RIMS4: variants seen among roughly 807,000 people sequenced by gnomAD.
RIMS4 encodes the protein regulating synaptic membrane exocytosis protein 4.
A neutral mutation model predicts 29.0 loss-of-function variants in RIMS4; 9 were observed. That is an observed-to-expected ratio of 0.31 (90% CI 0.19 to 0.54). The LOEUF (loss-of-function observed/expected upper bound fraction) is 0.54, where lower values mean the gene tolerates loss of function less well. Ranked by LOEUF, RIMS4 falls within the 20% of genes least tolerant of loss-of-function variation. The probability of loss-of-function intolerance (pLI) is 0.94; values close to 1 mark genes in which losing one functional copy is unlikely to be tolerated. For synonymous variants in RIMS4, 130 were observed against 152.9 expected (o/e 0.85, Z 1.10); for missense variants, 193 against 365.7 (o/e 0.53, Z 3.85).
At chr20:44,762,165 G>A (rs950491852) in intron 2 of RIMS4, among the ~76,000 whole-genome samples, 18 of 152,228 alleles carry the variant, frequency 1.2e-4, no homozygotes, top group African/African-American at 4.3e-4. Context: ...ATGCTCCTAT[G>A]AGAATCTAAT....
rs1392820250 is a variant in RIMS4 at position 44,767,284 on chromosome 20, C to T, written c.236+3991G>A. On this transcript the variant is annotated intron_variant, in intron 2 of 5. Transcript: ENST00000372851. ...GTATGTCTGGAAGGTTCTGTTCTCA[C>T]GGCCCCATCTCAGAGGGCTTGAGCT... is the stretch of plus-strand genomic sequence containing the variant. Among the ~76,000 whole-genome samples the T allele has an allele frequency of 3.3e-5, 5 of 152,194 alleles. No individual in the cohort carries two copies. The South Asian group carries it at 6.2e-4, about 19-fold the overall frequency.
At chr20:44,790,967 C>T (rs1435093662) in intron 1 of RIMS4, among the ~76,000 whole-genome samples, 3 of 152,242 alleles carry the variant, frequency 2.0e-5, no homozygotes, top group Admixed American at 2.0e-4. Flanking sequence ...TTAGGGTGCG[C>T]TGCCTCGTGC....
intron 2 of RIMS4, among the ~76,000 whole-genome samples, chr20:44,760,921 G>A (rs2066081906): frequency 6.6e-6 from 1 of 152,044 alleles, no homozygotes; most frequent in Non-Finnish European, 1.5e-5. Flanking sequence ...ATTAATGTGG[G>A]CAGGGGGGGA....
Position 44,756,094 on chromosome 20 carries a change from G to T in RIMS4, c.*40C>A. ...TGGGGTCCCAGGTCAGGGCTGGGTG[G>T]TCTCCAGGCCATCTTGGGGAGCCCC... On this transcript the variant is annotated 3_prime_UTR_variant, in exon 6 of 6. Coordinates refer to ENST00000372851, the MANE Select transcript of RIMS4 (RefSeq NM_182970.4). The surrounding 1 kb of genome is among the most constrained non-coding windows in gnomAD (Gnocchi z 5.9). 1 of 1,500,290 alleles carries T rather than the reference G, an allele frequency of 6.7e-7. No individual in the cohort carries two copies. Among genetic ancestry groups the T allele is most frequent in the Non-Finnish European group, 9.1e-7 (1 of 1,095,404 alleles). The allele number at this position is 1,500,290 out of a possible 1,614,324, so 92.9% of individuals were successfully genotyped here. A position where few individuals can be genotyped will look rare whatever the true frequency, so the allele number is the denominator to read the frequency against.
chr20:44,782,048 G>A (rs936307947), intron 1 of RIMS4, among the ~76,000 whole-genome samples: 2 of 152,160 alleles, frequency 1.3e-5, no homozygotes, highest in African/African-American at 4.8e-5. Context: ...CTGAGTTTGG[G>A]ACTTGAAGCA....
intron 1 of RIMS4, among the ~76,000 whole-genome samples, chr20:44,787,113 AG>A (rs1482187515): frequency 6.6e-6 from 1 of 152,188 alleles, no homozygotes; most frequent in Non-Finnish European, 1.5e-5. Flanking sequence ...TTCCCAACAC[AG>A]GGAACAGAAA....
chr20:44,779,619 T>C (rs1472395028), intron 1 of RIMS4, among the ~76,000 whole-genome samples: 1 of 152,236 alleles, frequency 6.6e-6, no homozygotes, highest in East Asian at 1.9e-4. Flanking sequence ...TGTGAATATA[T>C]CAAAATAATT....
intron 1 of RIMS4, among the ~76,000 whole-genome samples, chr20:44,791,023 C>T (rs1169558649): frequency 6.6e-6 from 1 of 152,210 alleles, no homozygotes. Context: ...AAGAGTTGCA[C>T]GCAGTTCTAG....
intron 1 of RIMS4, among the ~76,000 whole-genome samples, chr20:44,781,206 C>CG (rs1568901194): frequency 1.3e-5 from 2 of 152,100 alleles, no homozygotes; most frequent in Non-Finnish European, 2.9e-5. Context: ...AGATCCTGTG[C>CG]GGTAGACTCA....
intron 1 of RIMS4, among the ~76,000 whole-genome samples, chr20:44,804,846 G>A (rs2066291766): frequency 6.6e-6 from 1 of 152,200 alleles, no homozygotes; most frequent in Non-Finnish European, 1.5e-5. Context: ...AGGGGATTGG[G>A]GATGGGGAAG....
Position 44,810,275 on chromosome 20 carries a change from C to T in RIMS4, c.-4G>A. The T allele has an allele frequency of 1.7e-6, 2 of 1,174,718 alleles. No individual in the cohort carries two copies. Among genetic ancestry groups the T allele is most frequent in the Non-Finnish European group, 2.1e-6 (2 of 934,128 alleles). The allele number at this position is 1,174,718 out of a possible 1,614,324, so 72.8% of individuals were successfully genotyped here. ...GGCGGCTCTGCGAGCGCTCCATGCC[C>T]GCGCCGGCGCCGGGCGCCTCGGCCG... is the stretch of plus-strand genomic sequence containing the variant. On this transcript the variant is annotated 5_prime_UTR_variant, in exon 1 of 6. Coordinates refer to ENST00000372851, the MANE Select transcript of RIMS4 (RefSeq NM_182970.4).
intron 2 of RIMS4, among the ~76,000 whole-genome samples, chr20:44,761,595 A>T (rs2066085359): frequency 6.6e-6 from 1 of 152,214 alleles, no homozygotes; most frequent in Admixed American, 6.5e-5. Context: ...CCTGAGCTCC[A>T]GCTGCCCTTA....
At chr20:44,771,114 C>T (rs1293794224) in intron 2 of RIMS4, among the ~76,000 whole-genome samples, 161 bp downstream of exon 2, 1 of 152,254 alleles carries the variant, frequency 6.6e-6, no homozygotes, top group Non-Finnish European at 1.5e-5. Flanking sequence ...TTTGCTGTTA[C>T]ACTGCCTCCC....
At chr20:44,768,833 C>CTA (rs1337191687) in intron 2 of RIMS4, among the ~76,000 whole-genome samples, 2 of 152,216 alleles carry the variant, frequency 1.3e-5, no homozygotes, top group Non-Finnish European at 2.9e-5. Context: ...GGGTGGCTCA[C>CTA]TATATCCGTT....
At chr20:44,781,956 C>A (rs2066186381) in intron 1 of RIMS4, among the ~76,000 whole-genome samples, 1 of 152,190 alleles carries the variant, frequency 6.6e-6, no homozygotes, top group Admixed American at 6.5e-5. Context: ...GTGTTCTATC[C>A]ACACGGAATT....
At chr20:44,794,478 T>G (rs2066246312) in intron 1 of RIMS4, among the ~76,000 whole-genome samples, 1 of 152,230 alleles carries the variant, frequency 6.6e-6, no homozygotes, top group African/African-American at 2.4e-5. Flanking sequence ...ACTTAGACAT[T>G]TACCTCTGGA....
intron 4 of RIMS4, 107 bp downstream of exon 4, chr20:44,757,563 G>A: frequency 2.3e-6 from 2 of 851,304 alleles, no homozygotes; most frequent in Non-Finnish European, 4.0e-6. Flanking sequence ...TGGGACAGGG[G>A]GTCCCCACAG....
intron 1 of RIMS4, among the ~76,000 whole-genome samples, chr20:44,788,675 A>G (rs547033198): frequency 6.6e-6 from 1 of 152,192 alleles, no homozygotes; most frequent in South Asian, 2.1e-4. Flanking sequence ...TGGGAGGCTG[A>G]GGTTTGAGCC....
At chr20:44,770,636 C>T (rs1385643649) in intron 2 of RIMS4, among the ~76,000 whole-genome samples, 1 of 152,166 alleles carries the variant, frequency 6.6e-6, no homozygotes, top group African/African-American at 2.4e-5. Flanking sequence ...TGGGGTCCTG[C>T]AAGCTGCACT....
Sources: gnomAD v4.1 joint callset for allele counts (sites outside exome capture counted in the v4.1 genomes callset) on GRCh38, gnomAD v4.1.1 for gene constraint, Gnocchi (gnomAD v3.1) non-coding constraint, MANE v1.5 for transcripts, NCBI Gene and HGNC (gene_info 2026-07-23, HGNC 2026-07-21) for gene names.